Variants in RALGAPA2 observed in about 807,000 individuals in gnomAD.
The protein encoded by RALGAPA2 is Ral GTPase activating protein catalytic subunit alpha 2, also known as ral GTPase-activating protein subunit alpha-2.
In RALGAPA2, 139 loss-of-function variants were observed where a neutral mutation model predicts 230.4. That is an observed-to-expected ratio of 0.60 (90% confidence interval 0.53 to 0.69). The LOEUF (loss-of-function observed/expected upper bound fraction) is 0.69. Among genes scored for constraint, RALGAPA2 ranks in the 30% least tolerant of loss-of-function variants. RALGAPA2 has a pLI of 0.00. For missense variants in RALGAPA2, 2,163 were observed against 2,276.0 expected (o/e 0.95, Z 1.01); for synonymous variants, 847 against 837.8 (o/e 1.01, Z -0.19).
intron 37 of RALGAPA2, among the ~76,000 whole-genome samples, chr20:20,435,400 G>GC (rs1312826989): frequency 6.6e-6 from 1 of 152,234 alleles, no homozygotes; most frequent in Non-Finnish European, 1.5e-5. Flanking sequence ...GGAAAAGGAT[G>GC]CATAACAGCA....
rs531832059 is a variant in RALGAPA2, at chr20:20,572,355, T to C, written c.2902-409A>G. 8.5e-5 allele frequency among the ~76,000 whole-genome samples: 13 copies of C among 152,052 alleles called. No homozygotes were observed. In the East Asian group the frequency reaches 1.4e-3, roughly 16 times the overall value. On this transcript the variant is annotated intron_variant, in intron 21 of 39. Transcript: ENST00000202677. Reference sequence around the variant, plus strand: ...TACTCAGGAGGCTAAAGCAGGAGAATTGCTTGAACCCAGGAGGCAGAGGGT... The same window carrying C: ...TACTCAGGAGGCTAAAGCAGGAGAACTGCTTGAACCCAGGAGGCAGAGGGT...
intron 10 of RALGAPA2, among the ~76,000 whole-genome samples, chr20:20,624,724 T>G (rs918923151): frequency 6.6e-5 from 10 of 152,146 alleles, no homozygotes; most frequent in Admixed American, 6.6e-4. Flanking sequence ...CACCTCAACG[T>G]TATTATAATT....
rs999188906 is a variant in RALGAPA2 at position 20,558,644 on chromosome 20, G to A, written c.3157-11812C>T. On this transcript the variant is annotated intron_variant, in intron 23 of 39. Transcript: ENST00000202677. ...ATTGTGTGAGGAGGCTGGGGGCGGT[G>A]AGGGGAAATGCATTAGAAAGATCTT... is the stretch of plus-strand genomic sequence containing the variant. 5.9e-5 allele frequency among the ~76,000 whole-genome samples: 9 copies of A among 152,054 alleles called. No individual in the cohort carries two copies. The East Asian group carries it at 1.7e-3, about 29-fold the overall frequency.
rs142256557 is a variant in RALGAPA2 at position 20,536,323 on chromosome 20, T to C, written c.3414+333A>G. 4.5e-3 allele frequency among the ~76,000 whole-genome samples: 689 copies of C among 152,330 alleles called. 5 individuals are homozygous for C. Among genetic ancestry groups the C allele is most frequent in the African/African-American group, 0.016 (662 of 41,578 alleles). Reference sequence around the variant, plus strand: ...TTTAGCTTATTTCCATTATTTCTTATAAATTAACTTGATGCACTAATGCAG... The same window carrying C: ...TTTAGCTTATTTCCATTATTTCTTACAAATTAACTTGATGCACTAATGCAG... On this transcript the variant is annotated intron_variant, in intron 25 of 39. Transcript: ENST00000202677.
chr20:20,699,565 C>G (rs760085027), intron 1 of RALGAPA2, among the ~76,000 whole-genome samples: 9 of 152,216 alleles, frequency 5.9e-5, no homozygotes, highest in Non-Finnish European at 1.3e-4. Flanking sequence ...CAGTTCCCCT[C>G]TCTTCCATGC....
At chr20:20,434,356 T>C (rs1260383262) in intron 37 of RALGAPA2, among the ~76,000 whole-genome samples, 1 of 152,022 alleles carries the variant, frequency 6.6e-6, no homozygotes, top group African/African-American at 2.4e-5. Context: ...AATTAATAAG[T>C]TCAAAGCCTG....
At chr20:20,702,923 A>C (rs1170827361) in intron 1 of RALGAPA2, among the ~76,000 whole-genome samples, 1 of 152,228 alleles carries the variant, frequency 6.6e-6, no homozygotes, top group Non-Finnish European at 1.5e-5. Flanking sequence ...CTGTAATCCC[A>C]GCAGTTTGGG....
intron 3 of RALGAPA2, among the ~76,000 whole-genome samples, chr20:20,654,613 C>G (rs916942847): frequency 6.6e-6 from 1 of 152,194 alleles, no homozygotes; most frequent in African/African-American, 2.4e-5. Context: ...ACTGTGTATT[C>G]ATACCACATT....
rs557821032 is a variant in RALGAPA2, at chr20:20,503,748, A to G, written c.5053-242T>C. 2.0e-5 allele frequency among the ~76,000 whole-genome samples: 3 copies of G among 152,356 alleles called. No individual in the cohort carries two copies. The South Asian group carries it at 6.2e-4, about 32-fold the overall frequency. ...AAAACCACTACCAAACTTTTGGTAT[A>G]TAATCTCTAACTTTTTTCCCACCTG... On this transcript the variant is annotated intron_variant, in intron 34 of 39. Transcript: ENST00000202677.
Position 20,441,323 on chromosome 20 carries a change from G to A in RALGAPA2, c.5496-29175C>T, listed in dbSNP as rs574061143. Reference sequence around the variant, plus strand: ...GAAACAAGTGGGAAGTGGGACAGCCGTTAATCTGTAAGTTAGGGAACTGCT... The same window carrying A: ...GAAACAAGTGGGAAGTGGGACAGCCATTAATCTGTAAGTTAGGGAACTGCT... On this transcript the variant is annotated intron_variant, in intron 37 of 39. Coordinates refer to ENST00000202677, the MANE Select transcript of RALGAPA2 (RefSeq NM_020343.4). Among the ~76,000 whole-genome samples, 187 of 152,352 alleles carry A rather than the reference G, an allele frequency of 1.2e-3. 2 individuals are homozygous for A. In the South Asian group the frequency reaches 0.014, roughly 12 times the overall value.
chr20:20,481,881 C>A (rs1454175390), intron 36 of RALGAPA2, among the ~76,000 whole-genome samples: 1 of 152,080 alleles, frequency 6.6e-6, no homozygotes, highest in Non-Finnish European at 1.5e-5. Flanking sequence ...CACAGAGTGA[C>A]TAAAAGGTTC....
intron 38 of RALGAPA2, among the ~76,000 whole-genome samples, chr20:20,406,710 A>G (rs530557402): frequency 6.6e-6 from 1 of 152,222 alleles, no homozygotes; most frequent in African/African-American, 2.4e-5. Flanking sequence ...CCAGGAGTTC[A>G]AGACCAGCCT....
At chr20:20,554,991 T>A (rs2064040516) in intron 23 of RALGAPA2, among the ~76,000 whole-genome samples, 1 of 152,350 alleles carries the variant, frequency 6.6e-6, no homozygotes, top group African/African-American at 2.4e-5. Context: ...ATCTAAAAGT[T>A]TATTGGCAAA....
chr20:20,459,010 G>A (rs1200224805), intron 37 of RALGAPA2, among the ~76,000 whole-genome samples: 2 of 151,576 alleles, frequency 1.3e-5, no homozygotes, highest in Non-Finnish European at 2.9e-5. Context: ...AACTGAGCAC[G>A]AACCTGTGAT....
At chr20:20,478,534 G>T (rs931307361) in intron 36 of RALGAPA2, among the ~76,000 whole-genome samples, 2 of 151,880 alleles carry the variant, frequency 1.3e-5, no homozygotes, top group South Asian at 4.1e-4. Context: ...CAGCAACATG[G>T]ATGCAGCTGG....
At chr20:20,577,504 A>T (rs1408749150) in intron 20 of RALGAPA2, among the ~76,000 whole-genome samples, 1 of 152,178 alleles carries the variant, frequency 6.6e-6, no homozygotes, top group Admixed American at 6.6e-5. Flanking sequence ...AAATGTGCAA[A>T]TATCATCCAA....
rs568946814 is a variant in RALGAPA2, at chr20:20,583,392, G to A, written c.2531-166C>T. Among the ~76,000 whole-genome samples, 10 of 152,262 alleles carry A rather than the reference G, an allele frequency of 6.6e-5. No individual in the cohort carries two copies. In the South Asian group the frequency reaches 1.0e-3, roughly 16 times the overall value. On this transcript the variant is annotated intron_variant, in intron 19 of 39. Transcript: ENST00000202677. ...TGAGAGGAGCTCAAAAAGTGTCCAC[G>A]TGGGGCTCTTGGTCAAGAAAATGAA...
chr20:20,482,238 G>C (rs1323939246), intron 36 of RALGAPA2, among the ~76,000 whole-genome samples: 1 of 152,208 alleles, frequency 6.6e-6, no homozygotes, highest in Non-Finnish European at 1.5e-5. Context: ...GTTCTGTTAA[G>C]GGCTGTGGGG....
At chr20:20,567,261 A>G (rs964625553) in intron 23 of RALGAPA2, among the ~76,000 whole-genome samples, 7 of 152,224 alleles carry the variant, frequency 4.6e-5, no homozygotes, top group Non-Finnish European at 8.8e-5. Context: ...ATAATCATGA[A>G]ATTAATAAAA....
Sources: gnomAD v4.1 joint callset for allele counts (sites outside exome capture counted in the v4.1 genomes callset) on GRCh38, gnomAD v4.1.1 for gene constraint, MANE v1.5 for transcripts, NCBI Gene and HGNC (gene_info 2026-07-23, HGNC 2026-07-21) for gene names.